Variants in AAK1 observed in about 807,000 individuals in gnomAD.
AAK1 encodes AP2 associated kinase 1.
AAK1 carries 37 observed loss-of-function variants against 116.0 expected under a neutral mutation model. The observed-to-expected ratio is 0.32, with a 90% CI of 0.25 to 0.42. The LOEUF is 0.42. Ranked by LOEUF, AAK1 falls within the 10% of genes least tolerant of loss-of-function variation. The probability of loss-of-function intolerance (pLI) is 1.00; values close to 1 mark genes in which losing one functional copy is unlikely to be tolerated. For missense variants in AAK1, 919 were observed against 1,170.6 expected, an observed-to-expected ratio of 0.79 and a Z score of 3.14; for synonymous variants, 458 against 439.9, an observed-to-expected ratio of 1.04 and a Z score of -0.51.
In AAK1 at chr2:69,505,135, C is replaced by CCACA. The variant is rs10585161; in HGVS notation, c.2269+430_2269+433dup. 1.5e-4 allele frequency among the ~76,000 whole-genome samples: 21 copies of CCACA among 139,736 alleles called. No homozygotes were observed. The South Asian group carries it at 2.1e-3, about 14-fold the overall frequency. The allele number at this position is 139,736 out of a possible 152,430, so 91.7% of individuals were successfully genotyped here. ...CGTGCGTGCGTGTGCGCACACACAC[C>CCACA]CACACACACACACACACACACAGTT... On this transcript the variant is annotated intron_variant, in intron 16 of 21. Coordinates refer to ENST00000409085, the MANE Select transcript of AAK1 (RefSeq NM_014911.5).
intron 2 of AAK1, among the ~76,000 whole-genome samples, chr2:69,560,944 T>C (rs1033602628): frequency 3.3e-5 from 5 of 152,212 alleles, no homozygotes; most frequent in African/African-American, 4.8e-5. Context: ...TGATGGCTCA[T>C]GTAATGGGAT....
chr2:69,524,572 C>G (rs1370340510), intron 10 of AAK1, among the ~76,000 whole-genome samples: 2 of 150,982 alleles, frequency 1.3e-5, no homozygotes, highest in Non-Finnish European at 2.9e-5. Context: ...GCAGCTGGGA[C>G]TACAGGTGTG....
chr2:69,536,887 C>G (rs1384389095), intron 5 of AAK1, among the ~76,000 whole-genome samples: 2 of 152,240 alleles, frequency 1.3e-5, no homozygotes, highest in African/African-American at 4.8e-5. Context: ...CAAGAATCTT[C>G]ATCCTATTAT....
chr2:69,480,677 T>C (rs1242990184), intron 19 of AAK1, among the ~76,000 whole-genome samples, 183 bp downstream of exon 19: 1 of 151,910 alleles, frequency 6.6e-6, no homozygotes, highest in Non-Finnish European at 1.5e-5. Context: ...ACTCAGTTCT[T>C]TAGCAAGGAA....
chr2:69,514,144 C>T (rs186032644), intron 13 of AAK1, among the ~76,000 whole-genome samples: 59 of 152,322 alleles, frequency 3.9e-4, no homozygotes, highest in Admixed American at 3.5e-3. Flanking sequence ...AAGGGATTAG[C>T]TTTAATCCTG....
rs1439984271 is a variant in AAK1, at chr2:69,461,223, T to A, written c.*14646A>T. 1.3e-5 allele frequency: 2 copies of A among 159,654 alleles called. No homozygotes were observed. The highest frequency in any genetic ancestry group is 4.8e-5 in the African/African-American group (2 of 41,484). 9.9% of individuals were successfully genotyped at this position (159,654 alleles called of 1,614,324 possible). ...CAGTACAGTAACATGCTGTACAGGT[T>A]TGTAGCCCAGGAGCAACAGGCTGGA... On this transcript the variant is annotated 3_prime_UTR_variant, in exon 22 of 22. Coordinates refer to ENST00000409085, the MANE Select transcript of AAK1 (RefSeq NM_014911.5).
Position 69,519,057 on chromosome 2 carries a change from T to G in AAK1, c.1394A>C (p.Gln465Pro), listed in dbSNP as rs1669623426. 1 of 1,551,174 alleles carries G rather than the reference T, an allele frequency of 6.4e-7. No individual in the cohort carries two copies. Among genetic ancestry groups the G allele is most frequent in the East Asian group, 2.4e-5 (1 of 40,914 alleles). Residue 465 changes from glutamine to proline, a missense_variant, in exon 12 of 22, where the codon CAG becomes CCG. By Grantham distance (76) the Gln-to-Pro change is moderately conservative. Transcript: ENST00000409085. Reference sequence around the variant, plus strand: ...CTGTTGCTGCTTGAGGAAGAGTTGCTGCTGGTGCTGGGGTGTGGCCTGGGC... The same window carrying G: ...CTGTTGCTGCTTGAGGAAGAGTTGCGGCTGGTGCTGGGGTGTGGCCTGGGC... Reference protein sequence around the residue: ...AQAQATPQHQQQLFLKQQQQQ... With the variant: ...AQAQATPQHQPQLFLKQQQQQ...
intron 2 of AAK1, among the ~76,000 whole-genome samples, chr2:69,609,812 G>A (rs1033947779): frequency 2.0e-5 from 3 of 152,134 alleles, no homozygotes; most frequent in Admixed American, 1.3e-4. Flanking sequence ...CACTTTAGGA[G>A]GCCGAGGTGG....
At chr2:69,610,888 G>A (rs1180740182) in intron 2 of AAK1, among the ~76,000 whole-genome samples, 3 of 152,222 alleles carry the variant, frequency 2.0e-5, no homozygotes, top group Non-Finnish European at 2.9e-5. Context: ...TGGTGAGGAT[G>A]TGGAATAATT....
At chr2:69,591,860 C>T (rs995436403) in intron 2 of AAK1, among the ~76,000 whole-genome samples, 8 of 152,120 alleles carry the variant, frequency 5.3e-5, no homozygotes, top group Non-Finnish European at 7.4e-5. Flanking sequence ...TGAGCCACTG[C>T]GCCTGGCCTG....
intron 20 of AAK1, among the ~76,000 whole-genome samples, chr2:69,477,724 C>T (rs1231295092): frequency 6.6e-6 from 1 of 152,190 alleles, no homozygotes; most frequent in Non-Finnish European, 1.5e-5. Context: ...GGTAACTTCC[C>T]TCTACATAAT....
At chr2:69,563,621 A>G (rs1671738923) in intron 2 of AAK1, among the ~76,000 whole-genome samples, 2 of 152,188 alleles carry the variant, frequency 1.3e-5, no homozygotes, top group African/African-American at 4.8e-5. Flanking sequence ...GAGCTGGAGG[A>G]TACCAAATGA....
intron 2 of AAK1, among the ~76,000 whole-genome samples, chr2:69,600,333 G>C (rs984802601): frequency 5.5e-5 from 8 of 145,246 alleles, no homozygotes; most frequent in African/African-American, 1.8e-4. Flanking sequence ...TGTGAATAAA[G>C]AGGAAAAAAG....
At chr2:69,605,422 T>A (rs994258254) in intron 2 of AAK1, among the ~76,000 whole-genome samples, 2 of 152,242 alleles carry the variant, frequency 1.3e-5, no homozygotes, top group Non-Finnish European at 2.9e-5. Flanking sequence ...TTCCTTCTTA[T>A]GCATTTTTTC....
At chr2:69,558,600 G>T (rs190913361) in intron 2 of AAK1, among the ~76,000 whole-genome samples, 1 of 152,286 alleles carries the variant, frequency 6.6e-6, no homozygotes, top group East Asian at 1.9e-4. Flanking sequence ...CATTTAGCTT[G>T]AATATCCTGT....
rs1480436162 is a variant in AAK1 at position 69,509,339 on chromosome 2, C to T, written c.1898G>A (p.Arg633Lys). The T allele has an allele frequency of 6.2e-7, 1 of 1,613,922 alleles. No homozygotes were observed. Among genetic ancestry groups the T allele is most frequent in the Admixed American group, 1.7e-5 (1 of 60,014 alleles). The change falls in exon 14 of 22, where the codon AGG (arginine) becomes AAG (lysine). Residue 633 changes from arginine (R) to lysine (K), a missense_variant. Coordinates refer to ENST00000409085, the MANE Select transcript of AAK1 (RefSeq NM_014911.5). ...SSPKTQRAGH[R>K]RILSDVTHSA... ...GTGGGTTACGTCACTGAGAATACGC[C>T]TGTGCCCAGCACGTTGGGTTTTGGG...
Position 69,489,012 on chromosome 2 carries a change from CT to C in AAK1, c.2366-6201del, listed in dbSNP as rs199920200. Among the ~76,000 whole-genome samples the C allele has an allele frequency of 7.9e-3, 1,145 of 144,800 alleles. 7 individuals carry two copies. The highest frequency in any genetic ancestry group is 0.024 in the African/African-American group (937 of 39,494). The allele number at this position is 144,800 out of a possible 152,430, so 95.0% of individuals were successfully genotyped here. A position where few individuals can be genotyped will look rare whatever the true frequency, so the allele number is the denominator to read the frequency against. The stretch of plus-strand genomic sequence containing the variant: ...GCCACCATGCCTGGCTAACTTAAAA[CT>C]TTTTTTTTTTTTTGAAAAAATGGCG... On this transcript the variant is annotated intron_variant, in intron 17 of 21. Coordinates refer to ENST00000409085, the MANE Select transcript of AAK1 (RefSeq NM_014911.5).
chr2:69,515,324 T>TTTTG (rs1349387317), intron 12 of AAK1, among the ~76,000 whole-genome samples: 3 of 152,150 alleles, frequency 2.0e-5, no homozygotes, highest in Admixed American at 6.5e-5. Flanking sequence ...TGACGCTTCC[T>TTTTG]TTTGTTTGTT....
chr2:69,570,462 TC>T (rs1308067085), intron 2 of AAK1, among the ~76,000 whole-genome samples: 1 of 152,020 alleles, frequency 6.6e-6, no homozygotes, highest in East Asian at 1.9e-4. Flanking sequence ...TGTTAATCTC[TC>T]CACTAGACAG....
Sources: allele counts gnomAD v4.1 joint callset (sites outside exome capture counted in the v4.1 genomes callset), GRCh38; gene constraint gnomAD v4.1.1; transcripts MANE v1.5; gene names NCBI Gene and HGNC (gene_info 2026-07-23, HGNC 2026-07-21).